GOLGA4: variants seen among roughly 807,000 people sequenced by gnomAD.
GOLGA4 encodes golgin A4.
Under a neutral mutation model 265.9 loss-of-function variants are expected in GOLGA4, and 169 were observed. The observed-to-expected ratio is 0.64, with a 90% CI of 0.56 to 0.72. The LOEUF (loss-of-function observed/expected upper bound fraction) is 0.72. Among genes scored for constraint, GOLGA4 ranks in the 30% least tolerant of loss-of-function variants. GOLGA4 has a pLI of 0.00. For missense variants in GOLGA4, 2,482 were observed against 2,483.4 expected, an observed-to-expected ratio of 1.00 and a Z score of 0.01; for synonymous variants, 923 against 855.8, an observed-to-expected ratio of 1.08 and a Z score of -1.37.
At chr3:37,323,166 G>T (rs1176288398) in intron 13 of GOLGA4, among the ~76,000 whole-genome samples, 1 of 127,970 alleles carries the variant, frequency 7.8e-6, no homozygotes, top group Non-Finnish European at 1.6e-5. Flanking sequence ...TCGCTTTGTT[G>T]CCCAGGCTGG....
intron 20 of GOLGA4, among the ~76,000 whole-genome samples, chr3:37,345,171 T>C (rs572086893): frequency 5.3e-5 from 8 of 152,288 alleles, no homozygotes; most frequent in Non-Finnish European, 1.2e-4. Flanking sequence ...GATTGCACCA[T>C]TGCATTCTAT....
intron 22 of GOLGA4, among the ~76,000 whole-genome samples, chr3:37,355,396 A>G (rs2097088306): frequency 6.6e-6 from 1 of 152,140 alleles, no homozygotes; most frequent in Admixed American, 6.6e-5. Flanking sequence ...GGAAGAGTCT[A>G]ATTTAATACC....
chr3:37,262,062 T>G (rs2096771107), intron 2 of GOLGA4, among the ~76,000 whole-genome samples: 4 of 152,102 alleles, frequency 2.6e-5, no homozygotes, highest in Admixed American at 2.6e-4. Context: ...GAAATTAAAG[T>G]AATACAACAG....
intron 10 of GOLGA4, among the ~76,000 whole-genome samples, chr3:37,305,869 T>G (rs1166459311): frequency 6.6e-6 from 1 of 152,240 alleles, no homozygotes; most frequent in Non-Finnish European, 1.5e-5. Flanking sequence ...TCACTTATTC[T>G]GGATGTCAAA....
chr3:37,278,253 G>A (rs1012225641), intron 2 of GOLGA4, among the ~76,000 whole-genome samples: 14 of 150,962 alleles, frequency 9.3e-5, no homozygotes, highest in African/African-American at 3.2e-4. Context: ...AGGCTGGAGC[G>A]TAATGGCGTG....
Position 37,299,373 on chromosome 3 carries a change from T to G in GOLGA4, c.1086+2T>G. ...ATTGAACAGCTTGAACAAGATAAGG[T>G]AAAACAACAAAACCTATGATACTAA... On this transcript the variant is annotated splice_donor_variant, in intron 9 of 23. Coordinates refer to ENST00000361924, the MANE Select transcript of GOLGA4 (RefSeq NM_002078.5). LOFTEE classifies it high-confidence loss of function. 1 of 1,595,598 alleles carries G rather than the reference T, an allele frequency of 6.3e-7. No homozygotes were observed. The highest frequency in any genetic ancestry group is 8.6e-7 in the Non-Finnish European group (1 of 1,165,064).
At chr3:37,330,647 A>G (rs2096986845) in intron 16 of GOLGA4, among the ~76,000 whole-genome samples, 1 of 152,150 alleles carries the variant, frequency 6.6e-6, no homozygotes, top group African/African-American at 2.4e-5. Context: ...CAGCAAGTGG[A>G]CAGGAAGTGG....
chr3:37,277,517 G>T (rs2096822693), intron 2 of GOLGA4, among the ~76,000 whole-genome samples: 1 of 152,196 alleles, frequency 6.6e-6, no homozygotes. Flanking sequence ...ACTGACCAAG[G>T]ATTAATCTTA....
chr3:37,299,416 C>T (rs1697397200), intron 9 of GOLGA4, 45 bp downstream of exon 9: 1 of 1,164,024 alleles, frequency 8.6e-7, no homozygotes, highest in Admixed American at 1.9e-5. Context: ...CAAGAGGCCC[C>T]AACATTTACT....
chr3:37,297,277 G>C (rs1559396319), intron 7 of GOLGA4, among the ~76,000 whole-genome samples: 1 of 152,186 alleles, frequency 6.6e-6, no homozygotes, highest in Non-Finnish European at 1.5e-5. Flanking sequence ...AAGTAGTTGA[G>C]CAGTTAACTA....
At chr3:37,254,237 G>A (rs2096741979) in intron 2 of GOLGA4, among the ~76,000 whole-genome samples, 1 of 152,060 alleles carries the variant, frequency 6.6e-6, no homozygotes, top group African/African-American at 2.4e-5. Context: ...ATTTGAGATG[G>A]TAAAGTTAAA....
At chr3:37,286,104 A>G in intron 4 of GOLGA4, 43 bp downstream of exon 4, 1 of 879,768 alleles carries the variant, frequency 1.1e-6, no homozygotes, top group Non-Finnish European at 1.9e-6. Flanking sequence ...TAATTTTTAA[A>G]TCAGAAAGAT....
chr3:37,315,520 A>G lies in GOLGA4; in HGVS notation c.1335A>G (p.Glu445=), dbSNP rs2096935215. The G allele has an allele frequency of 1.2e-6, 2 of 1,613,930 alleles. No individual in the cohort carries two copies. Among genetic ancestry groups the G allele is most frequent in the Non-Finnish European group, 8.5e-7 (1 of 1,179,920 alleles). ...AEMDEQIKTI[E]KTSEEERISL... ...TGGATGAACAAATAAAAACTATCGA[A>G]AAAACAAGTGAGGAGGAACGCATCA... is the stretch of plus-strand genomic sequence containing the variant. Residue 445 remains glutamate (E), a synonymous_variant, in exon 11 of 24, where the codon GAA becomes GAG. Coordinates refer to ENST00000361924, the MANE Select transcript of GOLGA4 (RefSeq NM_002078.5).
At chr3:37,323,006 C>A (rs551074363) in intron 13 of GOLGA4, among the ~76,000 whole-genome samples, 8 of 151,732 alleles carry the variant, frequency 5.3e-5, no homozygotes, top group Non-Finnish European at 1.0e-4. Context: ...TTTTACTATC[C>A]AGTTAAAGTA....
At chr3:37,358,472 C>G (rs1461957772) in intron 22 of GOLGA4, among the ~76,000 whole-genome samples, 1 of 152,084 alleles carries the variant, frequency 6.6e-6, no homozygotes, top group African/African-American at 2.4e-5. Context: ...AGCATAATTA[C>G]AGTCTGGTTT....
chr3:37,288,978 A>G (rs1170727160), intron 4 of GOLGA4, among the ~76,000 whole-genome samples: 1 of 152,224 alleles, frequency 6.6e-6, no homozygotes, highest in Admixed American at 6.5e-5. Flanking sequence ...TTACATGTCC[A>G]TGCATTTTAA....
At chr3:37,340,575 T>C (rs889065870) in intron 20 of GOLGA4, among the ~76,000 whole-genome samples, 8 of 152,218 alleles carry the variant, frequency 5.3e-5, no homozygotes, top group Non-Finnish European at 1.0e-4. Flanking sequence ...TTATTCTTCC[T>C]TATTGAACTG....
chr3:37,299,029 G>T lies in GOLGA4; in HGVS notation c.1002+9G>T, dbSNP rs2096885939. ...AACTAGAAAAGATAAAGGTAAAAGA[G>T]CAGATGAGTTTTGTTCTAATTTAAT... On this transcript the variant is annotated intron_variant, in intron 8 of 23. Transcript: ENST00000361924. The T allele has an allele frequency of 1.3e-6, 2 of 1,575,766 alleles. No homozygotes were observed. Among genetic ancestry groups the T allele is most frequent in the African/African-American group, 1.4e-5 (1 of 72,848 alleles).
At chr3:37,365,815 T>TC (rs1184093403) in intron 23 of GOLGA4, among the ~76,000 whole-genome samples, 1 of 151,228 alleles carries the variant, frequency 6.6e-6, no homozygotes, top group African/African-American at 2.4e-5. Context: ...TTTTTTTTTT[T>TC]CAGAATGGGG....
Sources: gnomAD v4.1 joint callset for allele counts (sites outside exome capture counted in the v4.1 genomes callset) on GRCh38, gnomAD v4.1.1 for gene constraint, MANE v1.5 for transcripts, NCBI Gene and HGNC (gene_info 2026-07-23, HGNC 2026-07-21) for gene names.